ADCY5: variants seen among roughly 807,000 people sequenced by gnomAD.
The protein encoded by ADCY5 is adenylate cyclase type 5.
A neutral mutation model predicts 119.7 loss-of-function variants in ADCY5; 30 were observed. That is an observed-to-expected ratio of 0.25 (90% CI 0.19 to 0.34). The LOEUF (loss-of-function observed/expected upper bound fraction) is 0.34. ADCY5 is among the 10% of genes least tolerant of loss of function. The pLI is 1.00. For missense variants in ADCY5, 1,324 were observed against 1,775.2 expected (o/e 0.75, Z 4.57); for synonymous variants, 753 against 762.2 (o/e 0.99, Z 0.20).
chr3:123,393,323 G>A (rs1944447909), intron 1 of ADCY5, among the ~76,000 whole-genome samples: 1 of 150,502 alleles, frequency 6.6e-6, no homozygotes, highest in Admixed American at 6.6e-5. Context: ...AGGCAGAAGT[G>A]GGAGGATTAC....
chr3:123,303,893 G>GAAGAGAAAAGAGAAGAGAAGAA lies in ADCY5; in HGVS notation c.2559+173_2559+174insTTCTTCTCTTCTCTTTTCTCTT, dbSNP rs746945989. On this transcript the variant is annotated intron_variant, in intron 13 of 20. Coordinates refer to ENST00000462833, the MANE Select transcript of ADCY5 (RefSeq NM_183357.3). ...GAAGAGAAGAGAAGAGAAGAGAAGA[G>GAAGAGAAAAGAGAAGAGAAGAA]AAGAAAGAACTTGTGTGAGGCACAT... Among the ~76,000 whole-genome samples, 4 of 117,248 alleles carry GAAGAGAAAAGAGAAGAGAAGAA rather than the reference G, an allele frequency of 3.4e-5. No individual in the cohort carries two copies. The East Asian group carries it at 1.7e-3, about 49-fold the overall frequency. The allele number at this position is 117,248 out of a possible 152,430, so 76.9% of individuals were successfully genotyped here.
intron 1 of ADCY5, among the ~76,000 whole-genome samples, chr3:123,365,623 G>T (rs1303429769): frequency 6.6e-6 from 1 of 152,176 alleles, no homozygotes; most frequent in Non-Finnish European, 1.5e-5. Context: ...GGAGTGAGTG[G>T]GTTATGAGTA....
rs370121454 is a variant in ADCY5, at chr3:123,296,851, CCTACGTCTTGTGCCTGCCAAGAGCT to C, written c.2930+477_2930+501del. 632 of 679,168 alleles carry C rather than the reference CCTACGTCTTGTGCCTGCCAAGAGCT, an allele frequency of 9.3e-4. 5 individuals are homozygous for C. In the African/African-American group the frequency reaches 0.01, roughly 11 times the overall value. The allele number at this position is 679,168 out of a possible 1,614,324, so 42.1% of individuals were successfully genotyped here. On this transcript the variant is annotated intron_variant, in intron 16 of 20. Coordinates refer to ENST00000462833, the MANE Select transcript of ADCY5 (RefSeq NM_183357.3). Reference sequence around the variant, plus strand: ...CTTAACAAAAGCAGCCATTCCAAATCCTACGTCTTGTGCCTGCCAAGAGCTCAACCCCTGGAAGGCTGCACAGAGG... The same window carrying C: ...CTTAACAAAAGCAGCCATTCCAAATCCAACCCCTGGAAGGCTGCACAGAGG...
intron 8 of ADCY5, 56 bp downstream of exon 8, chr3:123,325,266 C>T (rs929620712): frequency 6.3e-7 from 1 of 1,596,128 alleles, no homozygotes; most frequent in Admixed American, 1.7e-5. Context: ...CTCATGCCCA[C>T]AGAAGGCCCT....
At chr3:123,378,440 G>A (rs1160328696) in intron 1 of ADCY5, among the ~76,000 whole-genome samples, 1 of 152,240 alleles carries the variant, frequency 6.6e-6, no homozygotes, top group African/African-American at 2.4e-5. Flanking sequence ...TTGCAGAGAA[G>A]GCTCAAGGGG....
Position 123,296,474 on chromosome 3 carries a change from A to G in ADCY5, c.2931-258T>C, listed in dbSNP as rs114409617. On this transcript the variant is annotated intron_variant, in intron 16 of 20. Transcript: ENST00000462833. ...CTCTCCTGACGCCTTACAACCCCCCATCACTCGGGAGCTCCCCTCTGGTCA... is the reference window on the plus strand; with the variant it reads ...CTCTCCTGACGCCTTACAACCCCCCGTCACTCGGGAGCTCCCCTCTGGTCA... Among the ~76,000 whole-genome samples, 2,948 of 152,128 alleles carry G rather than the reference A, an allele frequency of 0.019. 89 individuals carry two copies. Among genetic ancestry groups the G allele is most frequent in the African/African-American group, 0.063 (2,627 of 41,508 alleles).
At position 123,352,623 on chromosome 3, in the gene ADCY5, C is replaced by A; in HGVS notation, c.1135-42G>T. 2 of 1,565,958 alleles carry A rather than the reference C, an allele frequency of 1.3e-6. No individual in the cohort carries two copies. Among genetic ancestry groups the A allele is most frequent in the Non-Finnish European group, 8.7e-7 (1 of 1,149,610 alleles). Reference sequence around the variant, plus strand: ...GAGCACACCTAGCTCAGATCCTGACCTTCCTGGCCCCAAAGCATGAAGCCC... The same window carrying A: ...GAGCACACCTAGCTCAGATCCTGACATTCCTGGCCCCAAAGCATGAAGCCC... On this transcript the variant is annotated intron_variant, in intron 1 of 20. Transcript: ENST00000462833. The surrounding 1 kb of genome is among the most constrained non-coding windows in gnomAD (Gnocchi z 4.8).
intron 1 of ADCY5, among the ~76,000 whole-genome samples, chr3:123,380,692 T>C (rs1216282114): frequency 2.0e-5 from 3 of 152,206 alleles, no homozygotes; most frequent in Non-Finnish European, 2.9e-5. Flanking sequence ...GTGCCTCAGC[T>C]GCCTCTCCTG....
chr3:123,376,245 G>A (rs1943829048), intron 1 of ADCY5, among the ~76,000 whole-genome samples: 1 of 147,796 alleles, frequency 6.8e-6, no homozygotes, highest in Non-Finnish European at 1.5e-5. Context: ...GCTCTCAACA[G>A]CTTTTGGGTT....
At chr3:123,368,644 C>T (rs562199497) in intron 1 of ADCY5, among the ~76,000 whole-genome samples, 2 of 151,544 alleles carry the variant, frequency 1.3e-5, no homozygotes, top group African/African-American at 2.4e-5. Context: ...TCCAGCTACT[C>T]GAGAGTCTGA....
chr3:123,337,420 A>C (rs1942075746), intron 3 of ADCY5, among the ~76,000 whole-genome samples: 1 of 152,182 alleles, frequency 6.6e-6, no homozygotes, highest in South Asian at 2.1e-4. Context: ...CCACCAACCA[A>C]GTGGCTGAAA....
chr3:123,448,270 G>A lies in ADCY5; in HGVS notation c.276C>T (p.Gly92=), dbSNP rs1559883221. The change falls in exon 1 of 21, where the codon GGC becomes GGT. Residue 92 remains glycine (G), a synonymous_variant. Transcript: ENST00000462833. ...PLSGDDPLAG[G]FGFSFRSKSA... The stretch of plus-strand genomic sequence containing the variant: ...ACTTGGAGCGGAAGCTGAAGCCGAA[G>A]CCCCCGGCCAGGGGGTCGTCACCGC... The A allele has an allele frequency of 1.3e-6, 2 of 1,514,570 alleles. No homozygotes were observed. The highest frequency in any genetic ancestry group is 4.1e-5 in the Admixed American group (2 of 49,172). 93.8% of individuals were successfully genotyped at this position (1,514,570 alleles called of 1,614,324 possible).
At chr3:123,399,489 T>C (rs1944695920) in intron 1 of ADCY5, among the ~76,000 whole-genome samples, 2 of 152,180 alleles carry the variant, frequency 1.3e-5, no homozygotes, top group Admixed American at 1.3e-4. Context: ...TCCCTCTCCA[T>C]ACTGCTTTGT....
intron 3 of ADCY5, among the ~76,000 whole-genome samples, chr3:123,334,507 G>A (rs1344169791): frequency 6.6e-6 from 1 of 152,220 alleles, no homozygotes; most frequent in Non-Finnish European, 1.5e-5. Context: ...GGAGGCTTAA[G>A]TGGGCGGACC....
chr3:123,440,739 C>A (rs1945708468), intron 1 of ADCY5, among the ~76,000 whole-genome samples: 1 of 152,136 alleles, frequency 6.6e-6, no homozygotes, highest in Non-Finnish European at 1.5e-5. Flanking sequence ...AATGAATAAA[C>A]CAGAAGTCAA....
chr3:123,342,602 G>A (rs1262489052), intron 3 of ADCY5, among the ~76,000 whole-genome samples: 3 of 152,172 alleles, frequency 2.0e-5, no homozygotes, highest in African/African-American at 7.2e-5. Flanking sequence ...GGGCCCTGCG[G>A]GGAATGTTTC....
chr3:123,368,952 C>T (rs1015615193), intron 1 of ADCY5, among the ~76,000 whole-genome samples: 1 of 152,138 alleles, frequency 6.6e-6, no homozygotes, highest in African/African-American at 2.4e-5. Context: ...CAGTCCCAGA[C>T]CCCCAGTTGC....
At chr3:123,341,298 A>G (rs1224010313) in intron 3 of ADCY5, among the ~76,000 whole-genome samples, 1 of 152,196 alleles carries the variant, frequency 6.6e-6, no homozygotes, top group Non-Finnish European at 1.5e-5. Flanking sequence ...TCAGCCCTTA[A>G]AAAGGAAGAA....
chr3:123,433,816 C>G (rs1435953446), intron 1 of ADCY5, among the ~76,000 whole-genome samples: 1 of 152,118 alleles, frequency 6.6e-6, no homozygotes, highest in African/African-American at 2.4e-5. Flanking sequence ...GCAGCCTCAC[C>G]CCAGAGCTGA....
Sources: allele counts gnomAD v4.1 joint callset (sites outside exome capture counted in the v4.1 genomes callset), GRCh38; gene constraint gnomAD v4.1.1; non-coding constraint Gnocchi (gnomAD v3.1); transcripts MANE v1.5; gene names NCBI Gene and HGNC (gene_info 2026-07-23, HGNC 2026-07-21).